Variants in IKZF3 observed in about 807,000 individuals in gnomAD.
IKZF3 encodes zinc finger protein Aiolos.
Under a neutral mutation model 49.0 loss-of-function variants are expected in IKZF3, and 10 were observed. That is an observed-to-expected ratio of 0.20 (90% CI 0.13 to 0.35). The LOEUF is 0.35. IKZF3 is among the 10% of genes least tolerant of loss of function. The pLI, the probability that IKZF3 is intolerant of heterozygous loss-of-function variation, is 1.00. For missense variants in IKZF3, 498 were observed against 664.8 expected (o/e 0.75, Z 2.76); for synonymous variants, 209 against 228.2 (o/e 0.92, Z 0.76).
intron 5 of IKZF3, among the ~76,000 whole-genome samples, chr17:39,788,934 A>G (rs1567980488): frequency 6.6e-6 from 1 of 152,010 alleles, no homozygotes; most frequent in Non-Finnish European, 1.5e-5. Context: ...TTAACTACGG[A>G]TTTTTTTGTT....
At position 39,761,128 on chromosome 17, in the gene IKZF3, G is replaced by A. The variant is rs761084937; in HGVS notation, c.*4662C>T. ...TATATCTGGCCGATTTTGAGTATGG[G>A]CCTAACAAAATGTTAAGCACTGCAT... On this transcript the variant is annotated 3_prime_UTR_variant, in exon 8 of 8. Coordinates refer to ENST00000346872, the MANE Select transcript of IKZF3 (RefSeq NM_012481.5). The A allele has an allele frequency of 6.6e-6, 1 of 152,074 alleles. No individual in the cohort carries two copies. The highest frequency in any genetic ancestry group is 2.1e-4 in the South Asian group (1 of 4,822). 9.4% of individuals were successfully genotyped at this position (152,074 alleles called of 1,614,324 possible). A position where few individuals can be genotyped will look rare whatever the true frequency, so the allele number is the denominator to read the frequency against.
intron 1 of IKZF3, among the ~76,000 whole-genome samples, chr17:39,847,070 T>C (rs1356702303): frequency 6.6e-6 from 1 of 152,202 alleles, no homozygotes; most frequent in Non-Finnish European, 1.5e-5. Context: ...ATGTTCACTT[T>C]TACTTTATAA....
At chr17:39,782,721 G>A (rs116719441) in intron 6 of IKZF3, among the ~76,000 whole-genome samples, 1 of 152,230 alleles carries the variant, frequency 6.6e-6, no homozygotes, top group African/African-American at 2.4e-5. Flanking sequence ...GGTGTTTGGC[G>A]GTGTAATGCT....
intron 6 of IKZF3, among the ~76,000 whole-genome samples, chr17:39,778,621 G>A (rs1443851713): frequency 6.6e-6 from 1 of 152,162 alleles, no homozygotes; most frequent in Non-Finnish European, 1.5e-5. Flanking sequence ...GACCAACTTG[G>A]AGAAACCCTG....
chr17:39,791,365 G>A lies in IKZF3; in HGVS notation c.592+51C>T, dbSNP rs764056406. ...TAACTCTTTCTAGTTTCCACACTGG[G>A]CTCTGAGGAATGCACTTCCTAGACA... is the stretch of plus-strand genomic sequence containing the variant. On this transcript the variant is annotated intron_variant, in intron 5 of 7. Transcript: ENST00000346872. 4 of 1,577,628 alleles carry A rather than the reference G, an allele frequency of 2.5e-6. No homozygotes were observed. The African/African-American group carries it at 5.4e-5, about 21-fold the overall frequency.
chr17:39,860,622 T>C (rs940993032), intron 1 of IKZF3, among the ~76,000 whole-genome samples: 2 of 152,180 alleles, frequency 1.3e-5, no homozygotes, highest in Admixed American at 1.3e-4. Context: ...GAAAACCAAA[T>C]ACCGCATGTT....
intron 7 of IKZF3, among the ~76,000 whole-genome samples, chr17:39,771,791 T>C (rs1270309191): frequency 6.6e-6 from 1 of 152,134 alleles, no homozygotes; most frequent in Non-Finnish European, 1.5e-5. Context: ...TCAGGTGGGA[T>C]TGCAGTGGCG....
intron 1 of IKZF3, among the ~76,000 whole-genome samples, chr17:39,847,445 TC>T (rs1395766827): frequency 1.3e-5 from 2 of 152,174 alleles, no homozygotes; most frequent in Non-Finnish European, 1.5e-5. Context: ...GTTATTCCTT[TC>T]CATTTCAGAA....
chr17:39,766,042 T>C lies in IKZF3; in HGVS notation c.1278A>G (p.Glu426=). The change falls in exon 8 of 8, where the codon GAA becomes GAG. Residue 426 remains glutamate, a synonymous_variant. Coordinates refer to ENST00000346872, the MANE Select transcript of IKZF3 (RefSeq NM_012481.5). ...PLLKEVPRSY[E]LLKPPPICPR... ...GGCAGATGGGCGGGGGCTTGAGGAG[T>C]TCGTAAGAGCGGGGAACCTCCTTCA... 1 of 1,614,018 alleles carries C rather than the reference T, an allele frequency of 6.2e-7. No individual in the cohort carries two copies. The highest frequency in any genetic ancestry group is 8.5e-7 in the Non-Finnish European group (1 of 1,180,016).
chr17:39,847,123 T>C (rs2062655966), intron 1 of IKZF3, among the ~76,000 whole-genome samples: 1 of 152,202 alleles, frequency 6.6e-6, no homozygotes, highest in Admixed American at 6.5e-5. Context: ...AAGAATGTTT[T>C]CAGAATTGCA....
rs1036022189 is a variant in IKZF3 at position 39,759,058 on chromosome 17, C to G, written c.*6732G>C. The G allele has an allele frequency of 3.3e-5, 5 of 151,720 alleles. No homozygotes were observed. Among genetic ancestry groups the G allele is most frequent in the Admixed American group, 3.3e-4 (5 of 15,206 alleles). 9.4% of individuals were successfully genotyped at this position (151,720 alleles called of 1,614,324 possible). On this transcript the variant is annotated 3_prime_UTR_variant, in exon 8 of 8. Transcript: ENST00000346872. The stretch of plus-strand genomic sequence containing the variant: ...AAAATTTAATACACCCATTAACATT[C>G]CTATTTCAAATAGCTCAATCGATAT...
chr17:39,789,001 A>G (rs1447502698), intron 5 of IKZF3, among the ~76,000 whole-genome samples: 1 of 152,192 alleles, frequency 6.6e-6, no homozygotes, highest in Non-Finnish European at 1.5e-5. Flanking sequence ...GCAGTGGTGA[A>G]ATCACAGCTC....
rs78303400 is a variant in IKZF3, at chr17:39,773,169, A to C, written c.826+4482T>G. Among the ~76,000 whole-genome samples the C allele has an allele frequency of 7.0e-4, 107 of 152,274 alleles. 6 individuals carry two copies. In the East Asian group the frequency reaches 0.02, roughly 29 times the overall value. On this transcript the variant is annotated intron_variant, in intron 7 of 7. Coordinates refer to ENST00000346872, the MANE Select transcript of IKZF3 (RefSeq NM_012481.5). ...CTTGCTGTCCAAAGCCCCGCGCATG[A>C]CATGCACTGCTCTTGGTCACCTCCT...
intron 3 of IKZF3, among the ~76,000 whole-genome samples, chr17:39,812,031 G>A (rs1445849510): frequency 6.6e-6 from 1 of 152,140 alleles, no homozygotes; most frequent in East Asian, 1.9e-4. Context: ...AAGATCATTT[G>A]GGTCTTTTAA....
intron 3 of IKZF3, among the ~76,000 whole-genome samples, chr17:39,814,092 T>C (rs1402246042): frequency 6.6e-6 from 1 of 152,074 alleles, no homozygotes; most frequent in Non-Finnish European, 1.5e-5. Context: ...CACCAAAGAG[T>C]TGTACACCTC....
intron 1 of IKZF3, among the ~76,000 whole-genome samples, chr17:39,850,080 C>CATATATACTATATAGCATATTATATATGT (rs1568062145): frequency 9.3e-4 from 54 of 58,030 alleles, no homozygotes; most frequent in Non-Finnish European, 2.2e-3. Flanking sequence ...ATACTATATG[C>CATATATACTATATAGCATATTATATATGT]ATATATACTA....
At chr17:39,846,563 A>G (rs2062639791) in intron 1 of IKZF3, among the ~76,000 whole-genome samples, 1 of 151,504 alleles carries the variant, frequency 6.6e-6, no homozygotes, top group African/African-American at 2.4e-5. Flanking sequence ...TATAAATAAA[A>G]TTTAAACTTG....
chr17:39,833,942 T>G (rs1244365589), intron 1 of IKZF3, among the ~76,000 whole-genome samples: 1 of 152,200 alleles, frequency 6.6e-6, no homozygotes, highest in Non-Finnish European at 1.5e-5. Context: ...TCATCTAATG[T>G]CCTTTTTCTG....
chr17:39,831,601 T>C (rs1293781310), intron 2 of IKZF3, among the ~76,000 whole-genome samples: 2 of 152,182 alleles, frequency 1.3e-5, no homozygotes, highest in Admixed American at 6.5e-5. Flanking sequence ...AGTCTGACCA[T>C]AGCCTGCTTC....
Sources: allele counts gnomAD v4.1 joint callset (sites outside exome capture counted in the v4.1 genomes callset), GRCh38; gene constraint gnomAD v4.1.1; transcripts MANE v1.5; gene names NCBI Gene and HGNC (gene_info 2026-07-23, HGNC 2026-07-21).